Variants in PHAF1 observed in about 807,000 individuals in gnomAD.
PHAF1 encodes phagophore assembly factor 1, also known as phagosome assembly factor 1.
Under a neutral mutation model 63.1 loss-of-function variants are expected in PHAF1, and 23 were observed. The observed-to-expected ratio is 0.36, with a 90% CI of 0.26 to 0.52. The LOEUF (loss-of-function observed/expected upper bound fraction) is 0.52. PHAF1 is among the 20% of genes least tolerant of loss of function. PHAF1 has a pLI of 0.93. For missense variants in PHAF1, 427 were observed against 517.2 expected (o/e 0.83, Z 1.69); for synonymous variants, 167 against 185.0 (o/e 0.90, Z 0.79).
intron 1 of PHAF1, among the ~76,000 whole-genome samples, chr16:67,117,990 T>C (rs1311113683): frequency 1.3e-5 from 2 of 149,036 alleles, no homozygotes; most frequent in South Asian, 4.3e-4. Context: ...AGTCTCGCTC[T>C]GTAGCCCGGG....
chr16:67,140,162 CTAATT>C (rs1158717932), intron 9 of PHAF1, 45 bp downstream of exon 9: 5 of 1,588,158 alleles, frequency 3.1e-6, no homozygotes, highest in Non-Finnish European at 3.4e-6. Context: ...TTAATCAACA[CTAATT>C]TAATATTGAG....
At chr16:67,121,275 C>T (rs1161317025) in intron 2 of PHAF1, among the ~76,000 whole-genome samples, 14 of 151,156 alleles carry the variant, frequency 9.3e-5, no homozygotes, top group Middle Eastern at 3.4e-3. Flanking sequence ...CTGCAGGCTC[C>T]GCCTCCTGGG....
chr16:67,129,762 T>A (rs1963320704), intron 3 of PHAF1, among the ~76,000 whole-genome samples: 1 of 152,224 alleles, frequency 6.6e-6, no homozygotes, highest in Admixed American at 6.5e-5. Context: ...TCATAGTGCT[T>A]ATTACTTGGC....
At chr16:67,145,281 G>T in intron 12 of PHAF1, 95 bp from the exon 13 acceptor site, 1 of 1,414,654 alleles carries the variant, frequency 7.1e-7, no homozygotes, top group Non-Finnish European at 9.8e-7. Context: ...TCCAACCCCA[G>T]TGCAAAGGGA....
At chr16:67,131,808 C>A (rs762087748) in intron 4 of PHAF1, among the ~76,000 whole-genome samples, 1 of 152,128 alleles carries the variant, frequency 6.6e-6, no homozygotes, top group East Asian at 1.9e-4. Flanking sequence ...AAAGTTGTTG[C>A]GCCCCCATTA....
In PHAF1 at chr16:67,140,552, G is replaced by C. The variant is rs753226741; in HGVS notation, c.837G>C (p.Ser279=). The C allele has an allele frequency of 6.2e-6, 10 of 1,602,172 alleles. 1 individual carries two copies. In the South Asian group the frequency reaches 1.1e-4, roughly 18 times the overall value. Reference sequence around the variant, plus strand: ...CTTCCCCTCATAAACAAGTTCCATCGAAGTGTAATGACTACTTTTTTAACT... The same window carrying C: ...CTTCCCCTCATAAACAAGTTCCATCCAAGTGTAATGACTACTTTTTTAACT... ...HSPSPHKQVP[S]KCNDYFFNYF... is the part of the protein sequence containing the mutation. Residue 279 remains serine (S), a synonymous_variant, in exon 10 of 16, where the codon TCG becomes TCC. Coordinates refer to ENST00000219139, the MANE Select transcript of PHAF1 (RefSeq NM_025187.5).
intron 3 of PHAF1, among the ~76,000 whole-genome samples, chr16:67,126,348 A>C (rs991527380): frequency 1.3e-5 from 2 of 152,182 alleles, no homozygotes; most frequent in African/African-American, 4.8e-5. Context: ...CATGTCCAGT[A>C]GGAAAACAAG....
intron 10 of PHAF1, 68 bp downstream of exon 10, chr16:67,140,662 G>C: frequency 8.4e-7 from 1 of 1,191,142 alleles, no homozygotes; most frequent in Non-Finnish European, 1.3e-6. Flanking sequence ...TTGCAGATCT[G>C]TGTGTCCACA....
At chr16:67,140,153 T>A (rs199956846) in intron 9 of PHAF1, 36 bp downstream of exon 9, 6 of 1,596,186 alleles carry the variant, frequency 3.8e-6, no homozygotes, top group East Asian at 4.5e-5. Flanking sequence ...TCCTTTTTTT[T>A]AATCAACACT....
Position 67,120,193 on chromosome 16 carries a change from A to G in PHAF1, c.146A>G (p.Gln49Arg). 1 of 1,612,664 alleles carries G rather than the reference A, an allele frequency of 6.2e-7. No homozygotes were observed. Among genetic ancestry groups the G allele is most frequent in the Non-Finnish European group, 8.5e-7 (1 of 1,178,992 alleles). ...AACGTCCAGGTTCTCTACAGTGAAC[A>G]GGTGAGTGGTGGCTGATTTGTTTAT... ...IKNVQVLYSE[Q>R]SPLSHDLILN... Residue 49 changes from glutamine (Q) to arginine (R), a missense_variant and splice_region_variant, in exon 2 of 16, where the codon CAG becomes CGG. Gln to Arg is a conservative substitution (Grantham distance 43). Transcript: ENST00000219139.
At position 67,140,720 on chromosome 16, in the gene PHAF1, C is replaced by CT. The variant is rs1243833523; in HGVS notation, c.879+129dup. 4 of 782,886 alleles carry CT rather than the reference C, an allele frequency of 5.1e-6. No homozygotes were observed. In the African/African-American group the frequency reaches 6.9e-5, roughly 14 times the overall value. 48.5% of individuals were successfully genotyped at this position (782,886 alleles called of 1,614,324 possible). A position where few individuals can be genotyped will look rare whatever the true frequency, so the allele number is the denominator to read the frequency against. ...CATTGGGGAACCTAGCCCCAGCTGT[C>CT]TTTGCCCAGGGTTGTTTTGCATAGG... On this transcript the variant is annotated intron_variant, in intron 10 of 15. Coordinates refer to ENST00000219139, the MANE Select transcript of PHAF1 (RefSeq NM_025187.5).
chr16:67,144,300 C>G lies in PHAF1; in HGVS notation c.886C>G (p.Leu296Val), dbSNP rs1344556898. 1 of 1,610,096 alleles carries G rather than the reference C, an allele frequency of 6.2e-7. No individual in the cohort carries two copies. Among genetic ancestry groups the G allele is most frequent in the Non-Finnish European group, 8.5e-7 (1 of 1,176,390 alleles). The change falls in exon 11 of 16, where the codon CTC becomes GTC. Residue 296 changes from leucine to valine, a missense_variant. Transcript: ENST00000219139. Reference protein sequence around the residue: ...FNYFTLGVDILFDANTHKVKK... With the variant: ...FNYFTLGVDIVFDANTHKVKK... ...CCCTTGTTTTCTATCCCAGGACATC[C>G]TCTTTGATGCGAATACACACAAAGT... is the stretch of plus-strand genomic sequence containing the variant.
intron 8 of PHAF1, 122 bp downstream of exon 8, chr16:67,134,589 C>T (rs1211070685): frequency 4.4e-6 from 4 of 900,142 alleles, no homozygotes; most frequent in Non-Finnish European, 7.3e-6. Context: ...ATACCATAAA[C>T]TGAGTGGCTG....
At chr16:67,125,643 C>T (rs1963158728) in intron 2 of PHAF1, among the ~76,000 whole-genome samples, 1 of 152,166 alleles carries the variant, frequency 6.6e-6, no homozygotes, top group African/African-American at 2.4e-5. Flanking sequence ...CAGATGTGGA[C>T]CCTGGAGCCT....
At chr16:67,146,552 G>T (rs1361994495) in intron 15 of PHAF1, among the ~76,000 whole-genome samples, 1 of 152,206 alleles carries the variant, frequency 6.6e-6, no homozygotes, top group African/African-American at 2.4e-5. Context: ...GAAATCTGGG[G>T]TCACAGAGGC....
chr16:67,146,247 G>A, intron 14 of PHAF1, 31 bp from the exon 15 acceptor site: 3 of 1,597,582 alleles, frequency 1.9e-6, no homozygotes, highest in Middle Eastern at 3.3e-4. Context: ...GCCTCTGTCT[G>A]CCTCTCTAAT....
At chr16:67,125,224 A>G (rs893280875) in intron 2 of PHAF1, among the ~76,000 whole-genome samples, 9 of 152,164 alleles carry the variant, frequency 5.9e-5, no homozygotes, top group Non-Finnish European at 1.2e-4. Flanking sequence ...AGAGTTACCT[A>G]AGGTCACCAG....
chr16:67,129,922 A>T (rs1403830133), intron 3 of PHAF1, among the ~76,000 whole-genome samples: 2 of 152,232 alleles, frequency 1.3e-5, no homozygotes, highest in Admixed American at 1.3e-4. Context: ...CCTCTTCATC[A>T]GGGACATAAC....
chr16:67,140,987 G>T (rs916270765), intron 10 of PHAF1, among the ~76,000 whole-genome samples: 3 of 152,200 alleles, frequency 2.0e-5, no homozygotes, highest in Non-Finnish European at 2.9e-5. Flanking sequence ...TATTTTTAGA[G>T]GACCACCCCA....
Sources: allele counts gnomAD v4.1 joint callset (sites outside exome capture counted in the v4.1 genomes callset), GRCh38; gene constraint gnomAD v4.1.1; transcripts MANE v1.5; gene names NCBI Gene and HGNC (gene_info 2026-07-23, HGNC 2026-07-21).